STK31: variants seen among roughly 807,000 people sequenced by gnomAD.
STK31 encodes serine/threonine kinase 31.
STK31 carries 89 observed loss-of-function variants against 129.7 expected under a neutral mutation model. The ratio of observed to expected loss-of-function variants is 0.69; its 90% CI spans 0.58 to 0.82. STK31 has a LOEUF of 0.82. STK31 is among the 40% of genes least tolerant of loss of function. The probability of loss-of-function intolerance (pLI) is 0.00; values close to 1 mark genes in which losing one functional copy is unlikely to be tolerated. For synonymous variants in STK31, 448 were observed against 395.3 expected (o/e 1.13, Z -1.58); for missense variants, 1,187 against 1,176.4 (o/e 1.01, Z -0.13).
intron 10 of STK31, among the ~76,000 whole-genome samples, chr7:23,754,861 G>A (rs1310790683): frequency 6.6e-6 from 1 of 152,168 alleles, no homozygotes; most frequent in African/African-American, 2.4e-5. Flanking sequence ...AGTATTCCAT[G>A]GTGTATATGT....
At chr7:23,759,098 T>C (rs12670018) in intron 10 of STK31, among the ~76,000 whole-genome samples, 35,699 of 152,148 alleles carry the variant, frequency 0.23, 4,460 homozygotes, top group South Asian at 0.35. Context: ...CTATTCTGAA[T>C]ATATATGCAC....
intron 6 of STK31, among the ~76,000 whole-genome samples, chr7:23,731,128 C>T (rs35248544): frequency 2.8e-3 from 427 of 151,882 alleles, no homozygotes; most frequent in Non-Finnish European, 4.2e-3. Context: ...AAGAGATCCC[C>T]CTGTCTCTGC....
intron 3 of STK31, among the ~76,000 whole-genome samples, chr7:23,715,163 C>T (rs549067634): frequency 3.9e-5 from 6 of 152,150 alleles, no homozygotes; most frequent in East Asian, 3.9e-4. Flanking sequence ...TTTGGAAATA[C>T]GCGTAGGCAG....
chr7:23,765,120 T>C (rs1789731391), intron 11 of STK31, among the ~76,000 whole-genome samples: 1 of 151,916 alleles, frequency 6.6e-6, no homozygotes, highest in South Asian at 2.1e-4. Context: ...CAGTGGCCGA[T>C]CTCCGCTCAC....
At chr7:23,710,098 G>A, upstream of STK31, 1 of 978,086 alleles carries the variant, frequency 1.0e-6, no homozygotes, top group Middle Eastern at 3.3e-4. Flanking sequence ...GTCGGCAGCA[G>A]CCAGCGTCAG....
chr7:23,753,728 A>C (rs1418307922), intron 9 of STK31, among the ~76,000 whole-genome samples: 1 of 152,168 alleles, frequency 6.6e-6, no homozygotes, highest in East Asian at 1.9e-4. Context: ...TCATTCACCA[A>C]AGTTTGGGTA....
intron 22 of STK31, among the ~76,000 whole-genome samples, chr7:23,813,401 G>A (rs529632778): frequency 6.8e-4 from 104 of 152,084 alleles, no homozygotes; most frequent in African/African-American, 2.3e-3. Flanking sequence ...GCAGTTTCTC[G>A]TTGAAGTTGT....
intron 3 of STK31, among the ~76,000 whole-genome samples, chr7:23,715,453 A>C (rs1368688284): frequency 2.3e-4 from 5 of 22,190 alleles, no homozygotes; most frequent in Admixed American, 1.6e-3. Context: ...TTGTCGCTAC[A>C]AAAAAAAAAA....
Position 23,832,159 on chromosome 7 carries a change from C to T in STK31, c.2853C>T (p.Leu951=), listed in dbSNP as rs1232162107. 1 of 1,613,916 alleles carries T rather than the reference C, an allele frequency of 6.2e-7. No homozygotes were observed. The highest frequency in any genetic ancestry group is 8.5e-7 in the Non-Finnish European group (1 of 1,179,900). The change falls in exon 24 of 24, where the codon CTC becomes CTT. Residue 951 remains leucine (L), a synonymous_variant. Transcript: ENST00000355870. ...AGGATGATAAAGTCAAATCCCTCCT[C>T]TGTAGCTTGATATGTTATAGAAGTT... ...FHLDDKVKSL[L]CSLICYRSSM...
rs1361201927 is a variant in STK31 at position 23,824,703 on chromosome 7, T to C, written c.2830-7433T>C. Among the ~76,000 whole-genome samples the C allele has an allele frequency of 3.3e-5, 5 of 152,184 alleles. No homozygotes were observed. The South Asian group carries it at 6.2e-4, about 19-fold the overall frequency. On this transcript the variant is annotated intron_variant, in intron 23 of 23. Transcript: ENST00000355870. ...TTTTCAAAGGGAATGCTTCCAGTTT[T>C]TGTACATTCAGTATGATATTGGCTG...
Position 23,730,879 on chromosome 7 carries a change from T to TATATATATATATATATATATATATA in STK31, c.483+1630_483+1631insATATATATATATATATATATATATA, listed in dbSNP as rs1491380351. Among the ~76,000 whole-genome samples, 11 of 39,312 alleles carry TATATATATATATATATATATATATA rather than the reference T, an allele frequency of 2.8e-4. 2 individuals carry two copies. The highest frequency in any genetic ancestry group is 1.1e-3 in the Admixed American group (3 of 2,810). The allele number at this position is 39,312 out of a possible 152,430, so 25.8% of individuals were successfully genotyped here. Reference sequence around the variant, plus strand: ...ATTTATATATATATATATATATATATTTTTTTTTTTTTTTTTTGGTTGGGG... The same window carrying TATATATATATATATATATATATATA: ...ATTTATATATATATATATATATATATATATATATATATATATATATATATATTTTTTTTTTTTTTTTTGGTTGGGG... On this transcript the variant is annotated intron_variant, in intron 6 of 23. Transcript: ENST00000355870.
intron 23 of STK31, among the ~76,000 whole-genome samples, chr7:23,825,801 T>C (rs1283270396): frequency 2.6e-5 from 4 of 152,206 alleles, no homozygotes; most frequent in African/African-American, 9.6e-5. Context: ...ATGTTGTGTC[T>C]TTGTTCTCGT....
chr7:23,750,799 A>C (rs1055571974), intron 8 of STK31, among the ~76,000 whole-genome samples: 1 of 152,184 alleles, frequency 6.6e-6, no homozygotes. Context: ...ATATTTTGTC[A>C]TATGCCTAGA....
intron 10 of STK31, among the ~76,000 whole-genome samples, chr7:23,755,693 G>A (rs983668687): frequency 6.6e-6 from 1 of 152,108 alleles, no homozygotes; most frequent in Admixed American, 6.6e-5. Context: ...GTAAGGAAGG[G>A]GTTCAGTTTC....
At chr7:23,733,969 C>T (rs1371318171) in intron 6 of STK31, among the ~76,000 whole-genome samples, 4 of 152,142 alleles carry the variant, frequency 2.6e-5, no homozygotes, top group Admixed American at 6.5e-5. Flanking sequence ...ATTCCTACAT[C>T]GGTCTCAATT....
At chr7:23,783,492 G>T in intron 16 of STK31, 91 bp from the exon 17 acceptor site, 2 of 871,434 alleles carry the variant, frequency 2.3e-6, no homozygotes, top group East Asian at 2.5e-5. Flanking sequence ...TATGTTATAA[G>T]GTAGATGCTG....
Position 23,828,446 on chromosome 7 carries a change from C to T in STK31, c.2830-3690C>T, listed in dbSNP as rs80004461. 1.2e-4 allele frequency among the ~76,000 whole-genome samples: 19 copies of T among 152,356 alleles called. No homozygotes were observed. The East Asian group carries it at 2.3e-3, about 19-fold the overall frequency. On this transcript the variant is annotated intron_variant, in intron 23 of 23. Coordinates refer to ENST00000355870, the MANE Select transcript of STK31 (RefSeq NM_031414.5). ...CCGTTTGTTAAGCCCATTGGAAAAG[C>T]GCAGTATTAGGGTGGGAGTGACCCG...
chr7:23,762,385 T>C lies in STK31; in HGVS notation c.1294-416T>C, dbSNP rs538747598. ...ATAGAGTTCTTGGATATCTTTCACATATGTATTTCCAAACACAGCCTGTTG... is the reference window on the plus strand; with the variant it reads ...ATAGAGTTCTTGGATATCTTTCACACATGTATTTCCAAACACAGCCTGTTG... On this transcript the variant is annotated intron_variant, in intron 10 of 23. Coordinates refer to ENST00000355870, the MANE Select transcript of STK31 (RefSeq NM_031414.5). 6.6e-5 allele frequency among the ~76,000 whole-genome samples: 10 copies of C among 152,272 alleles called. No individual in the cohort carries two copies. The East Asian group carries it at 1.9e-3, about 29-fold the overall frequency.
intron 15 of STK31, 146 bp from the exon 16 acceptor site, chr7:23,781,273 A>AG (rs1790907723): frequency 2.1e-6 from 1 of 484,448 alleles, no homozygotes. Flanking sequence ...AAGTTAATTC[A>AG]GCAAGTATTA....
Sources: allele counts gnomAD v4.1 joint callset (sites outside exome capture counted in the v4.1 genomes callset), GRCh38; gene constraint gnomAD v4.1.1; transcripts MANE v1.5; gene names NCBI Gene and HGNC (gene_info 2026-07-23, HGNC 2026-07-21).